CACNA1B: variants seen among roughly 807,000 people sequenced by gnomAD.
CACNA1B encodes the protein voltage-dependent N-type calcium channel subunit alpha-1B.
A neutral mutation model predicts 247.2 loss-of-function variants in CACNA1B; 70 were observed. The observed-to-expected ratio is 0.28, with a 90% CI of 0.23 to 0.35. CACNA1B has a LOEUF of 0.35. CACNA1B is among the 10% of genes least tolerant of loss of function. CACNA1B has a pLI of 1.00. For missense variants in CACNA1B, 2,367 were observed against 3,197.4 expected (o/e 0.74, Z 6.26); for synonymous variants, 1,231 against 1,294.4 (o/e 0.95, Z 1.05).
chr9:137,882,697 A>C lies in CACNA1B; in HGVS notation c.391-47A>C. On this transcript the variant is annotated intron_variant, in intron 2 of 46. Transcript: ENST00000371372. This position sits in a 1 kb window ranked among gnomAD's most constrained non-coding sequence, Gnocchi z 4.0. ...TCACCAACCGTCTCTGCCCGCTACT[A>C]CACCGGGTAGGGGCCAGGGGTGACC... The C allele has an allele frequency of 6.2e-7, 1 of 1,611,032 alleles. No individual in the cohort carries two copies. Among genetic ancestry groups the C allele is most frequent in the Non-Finnish European group, 8.5e-7 (1 of 1,177,672 alleles).
At chr9:138,086,705 GTCATT>G (rs1960704344) in intron 36 of CACNA1B, among the ~76,000 whole-genome samples, 5 of 151,286 alleles carry the variant, frequency 3.3e-5, no homozygotes, top group African/African-American at 7.3e-5. Context: ...CCAGCACAGT[GTCATT>G]TGCGGATTTC....
intron 21 of CACNA1B, among the ~76,000 whole-genome samples, chr9:138,044,226 C>T (rs1959166830): frequency 6.6e-6 from 1 of 152,366 alleles, no homozygotes; most frequent in South Asian, 2.1e-4. Flanking sequence ...CTTCCCATCA[C>T]ACCTGGCACC....
intron 15 of CACNA1B, among the ~76,000 whole-genome samples, chr9:137,988,936 C>G (rs1958399811): frequency 6.6e-6 from 1 of 152,124 alleles, no homozygotes; most frequent in South Asian, 2.1e-4. Flanking sequence ...AGGGTGGGAG[C>G]CCCTGCTTCT....
At chr9:137,887,111 G>A (rs1162182400) in intron 3 of CACNA1B, among the ~76,000 whole-genome samples, 1 of 151,954 alleles carries the variant, frequency 6.6e-6, no homozygotes, top group African/African-American at 2.4e-5. Context: ...TGGCGGAGCA[G>A]CGGAGGTGTG....
At chr9:138,068,430 G>A (rs1398964830) in intron 31 of CACNA1B, among the ~76,000 whole-genome samples, 1 of 152,136 alleles carries the variant, frequency 6.6e-6, no homozygotes, top group Non-Finnish European at 1.5e-5. Flanking sequence ...AAGCAAAAAA[G>A]CTGAAACCTG....
chr9:138,088,708 G>T (rs145543338), intron 36 of CACNA1B, among the ~76,000 whole-genome samples: 10 of 151,586 alleles, frequency 6.6e-5, no homozygotes, highest in Non-Finnish European at 1.3e-4. Context: ...TAATCCCAGC[G>T]CTTTGTGAGG....
At chr9:138,021,090 A>G (rs1321579762) in intron 18 of CACNA1B, among the ~76,000 whole-genome samples, 3 of 152,198 alleles carry the variant, frequency 2.0e-5, no homozygotes, top group African/African-American at 7.2e-5. Flanking sequence ...GCCTGGTGCA[A>G]GCCCCTGGGG....
intron 37 of CACNA1B, among the ~76,000 whole-genome samples, chr9:138,101,996 G>C (rs568869286): frequency 6.6e-6 from 1 of 152,300 alleles, no homozygotes; most frequent in African/African-American, 2.4e-5. Context: ...GGTGGCCCCA[G>C]GCCATGTCCT....
intron 21 of CACNA1B, among the ~76,000 whole-genome samples, chr9:138,045,732 G>A (rs1052162199): frequency 4.6e-5 from 7 of 152,186 alleles, no homozygotes; most frequent in Non-Finnish European, 8.8e-5. Context: ...GGCTGAATTA[G>A]AAGGAAAGGC....
intron 13 of CACNA1B, 121 bp downstream of exon 13, chr9:137,984,371 G>A (rs1418910090): frequency 5.5e-6 from 4 of 727,194 alleles, no homozygotes; most frequent in South Asian, 1.7e-5. Flanking sequence ...GTGGCTTATA[G>A]TTGATTTAAA....
At chr9:137,910,283 T>C (rs1957345733) in intron 3 of CACNA1B, among the ~76,000 whole-genome samples, 1 of 152,190 alleles carries the variant, frequency 6.6e-6, no homozygotes. Context: ...ATTTTCTGGA[T>C]ATTAATCCCT....
chr9:137,945,379 G>T (rs1005710811), intron 6 of CACNA1B, among the ~76,000 whole-genome samples: 2 of 152,140 alleles, frequency 1.3e-5, no homozygotes, highest in African/African-American at 2.4e-5. Context: ...AAAAACTCTG[G>T]GTCTTGTCTG....
chr9:138,005,503 A>G (rs1004263716), intron 15 of CACNA1B, among the ~76,000 whole-genome samples: 1 of 152,196 alleles, frequency 6.6e-6, no homozygotes, highest in Non-Finnish European at 1.5e-5. Context: ...AAGGGGTACA[A>G]ACACAGTTAG....
At position 138,014,219 on chromosome 9, in the gene CACNA1B, GGTGT is replaced by G. The variant is rs146888373; in HGVS notation, c.2267+994_2267+997del. Among the ~76,000 whole-genome samples, 9 of 152,108 alleles carry G rather than the reference GGTGT, an allele frequency of 5.9e-5. No individual in the cohort carries two copies. Among genetic ancestry groups the G allele is most frequent in the Non-Finnish European group, 8.8e-5 (6 of 67,998 alleles). ...TGCTGGCATGTGGATGAGTGTGCTA[GGTGT>G]GTGTGTGTGCACTTGAGAGTTGCAC... On this transcript the variant is annotated intron_variant, in intron 18 of 46. Transcript: ENST00000371372. This position sits in a 1 kb window ranked among gnomAD's most constrained non-coding sequence, Gnocchi z 6.2.
At position 138,084,110 on chromosome 9, in the gene CACNA1B, G is replaced by C. The variant is rs187972342; in HGVS notation, c.5094+5852G>C. Among the ~76,000 whole-genome samples the C allele has an allele frequency of 2.5e-4, 38 of 151,222 alleles. 5 individuals are homozygous for C. The East Asian group carries it at 5.9e-3, about 24-fold the overall frequency. On this transcript the variant is annotated intron_variant, in intron 36 of 46. Coordinates refer to ENST00000371372, the MANE Select transcript of CACNA1B (RefSeq NM_000718.4). ...AGCTATAATCTCGCCCCCTGGGCCT[G>C]AGCTGCTAGGGAATGGCTTAGAATC... is the stretch of plus-strand genomic sequence containing the variant.
rs1035087004 is a variant in CACNA1B at position 138,050,467 on chromosome 9, G to C, written c.3710+1152G>C. Among the ~76,000 whole-genome samples the C allele has an allele frequency of 4.6e-5, 7 of 152,234 alleles. No individual in the cohort carries two copies. The highest frequency in any genetic ancestry group is 8.8e-5 in the Non-Finnish European group (6 of 68,042). The stretch of plus-strand genomic sequence containing the variant: ...CCCGGTGCAGCTCCTCTCTGGAAGA[G>C]CGGCATTCTTTCCTCTGTTTCCTCT... On this transcript the variant is annotated intron_variant, in intron 24 of 46. Coordinates refer to ENST00000371372, the MANE Select transcript of CACNA1B (RefSeq NM_000718.4). This position sits in a 1 kb window ranked among gnomAD's most constrained non-coding sequence, Gnocchi z 5.2.
At chr9:138,077,572 C>A (rs968976047) in intron 35 of CACNA1B, among the ~76,000 whole-genome samples, 1 of 152,174 alleles carries the variant, frequency 6.6e-6, no homozygotes, top group African/African-American at 2.4e-5. Context: ...GACCTGCTTC[C>A]TGCCGTGTAG....
At chr9:137,892,619 G>A (rs754444091) in intron 3 of CACNA1B, 1 of 349,808 alleles carries the variant, frequency 2.9e-6, no homozygotes, top group African/African-American at 2.1e-5. Context: ...AGGTGAGGAG[G>A]AGGGGCACTG....
chr9:137,970,520 TG>T (rs1402354556), intron 10 of CACNA1B, among the ~76,000 whole-genome samples: 1 of 152,136 alleles, frequency 6.6e-6, no homozygotes, highest in Non-Finnish European at 1.5e-5. Context: ...GTCTGGGAGT[TG>T]GGCATGGAAC....
Sources: allele counts gnomAD v4.1 joint callset (sites outside exome capture counted in the v4.1 genomes callset), GRCh38; gene constraint gnomAD v4.1.1; non-coding constraint Gnocchi (gnomAD v3.1); transcripts MANE v1.5; gene names NCBI Gene and HGNC (gene_info 2026-07-23, HGNC 2026-07-21).